PTPRT: variants seen among roughly 807,000 people sequenced by gnomAD.
PTPRT encodes the protein receptor-type tyrosine-protein phosphatase T.
Under a neutral mutation model 176.8 loss-of-function variants are expected in PTPRT, and 56 were observed. That is an observed-to-expected ratio of 0.32 (90% CI 0.26 to 0.40). The LOEUF (loss-of-function observed/expected upper bound fraction) is 0.40, where lower values mean the gene tolerates loss of function less well. Among genes scored for constraint, PTPRT ranks in the 10% least tolerant of loss-of-function variants. The probability of loss-of-function intolerance (pLI) is 1.00; values close to 1 mark genes in which losing one functional copy is unlikely to be tolerated. For synonymous variants in PTPRT, 783 were observed against 739.0 expected (o/e 1.06, Z -0.96); for missense variants, 1,540 against 1,908.2 (o/e 0.81, Z 3.60).
chr20:42,148,211 T>G (rs1988958825), intron 17 of PTPRT, among the ~76,000 whole-genome samples: 2 of 151,740 alleles, frequency 1.3e-5, no homozygotes, highest in Admixed American at 1.3e-4. Context: ...CCTCTCTGAG[T>G]GTGGAAATGT....
intron 1 of PTPRT, among the ~76,000 whole-genome samples, chr20:43,036,858 A>G (rs2146206133): frequency 6.6e-6 from 1 of 152,360 alleles, no homozygotes; most frequent in South Asian, 2.1e-4. Context: ...ATTTAAAAAA[A>G]TGGTCAATCA....
intron 7 of PTPRT, among the ~76,000 whole-genome samples, chr20:42,495,955 GA>G (rs2071645879): frequency 6.6e-6 from 1 of 152,054 alleles, no homozygotes; most frequent in South Asian, 2.1e-4. Flanking sequence ...TCCTACTCTT[GA>G]CCGAAAGCCT....
intron 8 of PTPRT, 24 bp downstream of exon 8, chr20:42,472,242 T>C (rs1225859823): frequency 1.9e-6 from 3 of 1,606,488 alleles, no homozygotes; most frequent in African/African-American, 2.7e-5. Flanking sequence ...CCCATTCCCA[T>C]GTAAGCTCTC....
At chr20:42,839,323 T>A (rs1029758070) in intron 2 of PTPRT, among the ~76,000 whole-genome samples, 9 of 150,934 alleles carry the variant, frequency 6.0e-5, no homozygotes, top group Non-Finnish European at 1.3e-4. Flanking sequence ...TTTTTTTTTT[T>A]AAAGCGCCCT....
intron 1 of PTPRT, among the ~76,000 whole-genome samples, chr20:42,959,830 A>AG (rs1359219694): frequency 6.6e-6 from 1 of 152,098 alleles, no homozygotes; most frequent in African/African-American, 2.4e-5. Flanking sequence ...CTAAGTCCTT[A>AG]GGGGGGAGTC....
At chr20:42,091,030 C>T (rs1984561214) in intron 27 of PTPRT, among the ~76,000 whole-genome samples, 1 of 152,174 alleles carries the variant, frequency 6.6e-6, no homozygotes, top group African/African-American at 2.4e-5. Context: ...CAGATACATA[C>T]AGGTAGTGGC....
chr20:42,121,257 T>C (rs143662534), intron 19 of PTPRT, among the ~76,000 whole-genome samples: 7 of 152,298 alleles, frequency 4.6e-5, no homozygotes, highest in African/African-American at 1.7e-4. Context: ...GAGTTGGAGG[T>C]TGGCACCAAT....
intron 16 of PTPRT, among the ~76,000 whole-genome samples, chr20:42,187,808 G>A (rs1260879822): frequency 6.6e-6 from 1 of 152,152 alleles, no homozygotes; most frequent in Non-Finnish European, 1.5e-5. Flanking sequence ...CCCATTTATA[G>A]CCCACTGTTT....
intron 1 of PTPRT, among the ~76,000 whole-genome samples, chr20:42,941,613 G>A (rs543835582): frequency 6.6e-6 from 1 of 151,972 alleles, no homozygotes; most frequent in African/African-American, 2.4e-5. Context: ...CTGACTCCAC[G>A]CTACATGTTT....
intron 2 of PTPRT, among the ~76,000 whole-genome samples, chr20:42,800,125 T>C (rs546358187): frequency 3.9e-5 from 6 of 152,364 alleles, no homozygotes; most frequent in Admixed American, 1.3e-4. Context: ...ATATCAACCC[T>C]ATGAGGTAGT....
intron 27 of PTPRT, among the ~76,000 whole-genome samples, chr20:42,098,014 C>T (rs150090628): frequency 6.6e-6 from 1 of 152,300 alleles, no homozygotes; most frequent in African/African-American, 2.4e-5. Flanking sequence ...TCTGTACAGG[C>T]TGCATTGCAG....
At chr20:42,437,872 A>T (rs2059276283) in intron 9 of PTPRT, among the ~76,000 whole-genome samples, 1 of 152,216 alleles carries the variant, frequency 6.6e-6, no homozygotes, top group Non-Finnish European at 1.5e-5. Flanking sequence ...CCAAAACAGA[A>T]GCGAAAGAGC....
At chr20:42,168,973 C>CTCCACT in intron 16 of PTPRT, among the ~76,000 whole-genome samples, 1 of 152,338 alleles carries the variant, frequency 6.6e-6, no homozygotes, top group South Asian at 2.1e-4. Flanking sequence ...TAGAATGCCA[C>CTCCACT]TCCACTGTGC....
intron 7 of PTPRT, among the ~76,000 whole-genome samples, chr20:42,642,494 G>T (rs1214326581): frequency 6.6e-6 from 1 of 152,076 alleles, no homozygotes; most frequent in Non-Finnish European, 1.5e-5. Context: ...TGATAATAAT[G>T]TGAATAATAA....
rs74677580 is a variant in PTPRT at position 42,933,150 on chromosome 20, G to A, written c.89-47218C>T. On this transcript the variant is annotated intron_variant, in intron 1 of 30. Coordinates refer to ENST00000373187, the MANE Select transcript of PTPRT (RefSeq NM_007050.6). ...TTCCTGCCTTGCACCCAACAGCCTTGCACAACTTTTCAATTCCTCCAGCCT... is the reference window on the plus strand; with the variant it reads ...TTCCTGCCTTGCACCCAACAGCCTTACACAACTTTTCAATTCCTCCAGCCT... 5.3e-3 allele frequency among the ~76,000 whole-genome samples: 806 copies of A among 152,268 alleles called. 9 individuals are homozygous for A. The highest frequency in any genetic ancestry group is 0.018 in the African/African-American group (761 of 41,544).
intron 12 of PTPRT, among the ~76,000 whole-genome samples, chr20:42,301,967 A>C (rs947770232): frequency 1.3e-5 from 2 of 152,236 alleles, no homozygotes; most frequent in Non-Finnish European, 2.9e-5. Flanking sequence ...TTCTTAGCTA[A>C]CAACGTGTGT....
chr20:43,084,054 G>A (rs1487533432), intron 1 of PTPRT, among the ~76,000 whole-genome samples: 1 of 152,198 alleles, frequency 6.6e-6, no homozygotes, highest in Non-Finnish European at 1.5e-5. Context: ...TGGATATTTG[G>A]ACTGTTTCCA....
intron 1 of PTPRT, among the ~76,000 whole-genome samples, chr20:43,024,081 C>A (rs206158): frequency 0.68 from 103,456 of 151,888 alleles, 38,136 homozygotes; most frequent in South Asian, 0.9. Context: ...GTATGAGCAC[C>A]GTATCCAAGG....
At chr20:42,330,343 G>T (rs1377680399) in intron 11 of PTPRT, among the ~76,000 whole-genome samples, 1 of 151,964 alleles carries the variant, frequency 6.6e-6, no homozygotes, top group South Asian at 2.1e-4. Flanking sequence ...CGTGGTAGGG[G>T]CACATGTCTG....
Sources: gnomAD v4.1 joint callset for allele counts (sites outside exome capture counted in the v4.1 genomes callset) on GRCh38, gnomAD v4.1.1 for gene constraint, MANE v1.5 for transcripts, NCBI Gene and HGNC (gene_info 2026-07-23, HGNC 2026-07-21) for gene names.